INSR: variants seen among roughly 807,000 people sequenced by gnomAD.
The protein encoded by INSR is insulin receptor.
In INSR, 67 loss-of-function variants were observed where a neutral mutation model predicts 142.6. That is an observed-to-expected ratio of 0.47 (90% confidence interval 0.39 to 0.58). The LOEUF is 0.58. Ranked by LOEUF, INSR falls within the 20% of genes least tolerant of loss-of-function variation. INSR has a pLI of 0.00. For synonymous variants in INSR, 756 were observed against 743.1 expected, an observed-to-expected ratio of 1.02 and a Z score of -0.28; for missense variants, 1,248 against 1,833.2, an observed-to-expected ratio of 0.68 and a Z score of 5.83.
Position 7,225,959 on chromosome 19 carries a change from G to T in INSR, c.653-41322C>A, listed in dbSNP as rs923355524. On this transcript the variant is annotated intron_variant, in intron 2 of 21. Coordinates refer to ENST00000302850, the MANE Select transcript of INSR (RefSeq NM_000208.4). This position sits in a 1 kb window ranked among gnomAD's most constrained non-coding sequence, Gnocchi z 4.7. ...AACAATCCAGCCCCAGTATCCGCAG[G>T]CCCCAGGTGGAGAAACCCCGTCCCG... Among the ~76,000 whole-genome samples, 7 of 152,154 alleles carry T rather than the reference G, an allele frequency of 4.6e-5. No homozygotes were observed. Among genetic ancestry groups the T allele is most frequent in the African/African-American group, 1.4e-4 (6 of 41,446 alleles).
chr19:7,215,174 G>T (rs771138232), intron 2 of INSR, among the ~76,000 whole-genome samples: 32 of 152,092 alleles, frequency 2.1e-4, no homozygotes, highest in Non-Finnish European at 3.7e-4. Flanking sequence ...GGAAGAACTA[G>T]GATTCGAACC....
chr19:7,165,000 G>A (rs974768068), intron 8 of INSR, among the ~76,000 whole-genome samples: 1 of 152,034 alleles, frequency 6.6e-6, no homozygotes, highest in Non-Finnish European at 1.5e-5. Flanking sequence ...GTGGTGGCAC[G>A]CCTGTAGTTG....
intron 2 of INSR, among the ~76,000 whole-genome samples, chr19:7,201,818 C>T (rs1362366630): frequency 5.1e-5 from 7 of 138,032 alleles, no homozygotes; most frequent in Admixed American, 4.3e-4. Context: ...GCGGCCACCA[C>T]GCCTAGCTAA....
chr19:7,142,617 T>C (rs1322179781), intron 12 of INSR, among the ~76,000 whole-genome samples, 199 bp downstream of exon 12: 2 of 147,080 alleles, frequency 1.4e-5, no homozygotes, highest in Non-Finnish European at 3.0e-5. Context: ...TCACTTGACA[T>C]AGGTGGCAGA....
intron 1 of INSR, among the ~76,000 whole-genome samples, chr19:7,270,918 C>T (rs1967907047): frequency 1.3e-5 from 2 of 151,776 alleles, no homozygotes. Flanking sequence ...AAAAATTAGC[C>T]AGGCGTGGTG....
chr19:7,198,448 A>T (rs1974854831), intron 2 of INSR, among the ~76,000 whole-genome samples: 1 of 152,204 alleles, frequency 6.6e-6, no homozygotes, highest in Non-Finnish European at 1.5e-5. Context: ...CGAGCTTGCA[A>T]GGGCTCATCA....
At chr19:7,175,189 G>A (rs1460059838) in intron 3 of INSR, among the ~76,000 whole-genome samples, 1 of 152,072 alleles carries the variant, frequency 6.6e-6, no homozygotes, top group Non-Finnish European at 1.5e-5. Flanking sequence ...CTGCCGATCT[G>A]CAATAGGACA....
At chr19:7,278,630 G>A (rs1008099502) in intron 1 of INSR, among the ~76,000 whole-genome samples, 5 of 152,126 alleles carry the variant, frequency 3.3e-5, no homozygotes, top group African/African-American at 1.2e-4. Context: ...AGGTCAAGGG[G>A]GGTGGATCAC....
At chr19:7,120,477 G>A (rs1483632232) in intron 20 of INSR, 143 bp downstream of exon 20, 2 of 915,548 alleles carry the variant, frequency 2.2e-6, no homozygotes, top group African/African-American at 3.3e-5. Flanking sequence ...AGTAGCCGTG[G>A]GAAGATCCTA....
Position 7,119,347 on chromosome 19 carries a change from G to A in INSR, c.3794+102C>T, listed in dbSNP as rs531005515. 103 of 1,319,980 alleles carry A rather than the reference G, an allele frequency of 7.8e-5. 1 individual carries two copies. The South Asian group carries it at 8.5e-4, about 11-fold the overall frequency. The allele number at this position is 1,319,980 out of a possible 1,614,324, so 81.8% of individuals were successfully genotyped here. ...CCTGTAACATACAGCATGCAAACACGGTGAGCGTGTAGACATAGGAAAGGC... is the reference window on the plus strand; with the variant it reads ...CCTGTAACATACAGCATGCAAACACAGTGAGCGTGTAGACATAGGAAAGGC... On this transcript the variant is annotated intron_variant, in intron 21 of 21. Coordinates refer to ENST00000302850, the MANE Select transcript of INSR (RefSeq NM_000208.4). This position sits in a 1 kb window ranked among gnomAD's most constrained non-coding sequence, Gnocchi z 5.2.
At chr19:7,174,129 A>T (rs945647277) in intron 4 of INSR, among the ~76,000 whole-genome samples, 6 of 140,792 alleles carry the variant, frequency 4.3e-5, no homozygotes, top group Admixed American at 1.4e-4. Flanking sequence ...GAAAAAAATT[A>T]AAAAAAAAAA....
At chr19:7,226,699 G>A (rs372595245) in intron 2 of INSR, among the ~76,000 whole-genome samples, 4 of 144,262 alleles carry the variant, frequency 2.8e-5, no homozygotes, top group African/African-American at 1.0e-4. Flanking sequence ...CTGCACACCA[G>A]CCTGGGCAAC....
intron 9 of INSR, among the ~76,000 whole-genome samples, chr19:7,154,873 G>C (rs186522076): frequency 6.6e-6 from 1 of 151,866 alleles, no homozygotes; most frequent in Non-Finnish European, 1.5e-5. Flanking sequence ...GCAGTGAGCC[G>C]AGATTGAGCC....
chr19:7,266,242 C>T lies in INSR; in HGVS notation c.652+1103G>A, dbSNP rs542797125. On this transcript the variant is annotated intron_variant, in intron 2 of 21. Coordinates refer to ENST00000302850, the MANE Select transcript of INSR (RefSeq NM_000208.4). Reference sequence around the variant, plus strand: ...GGAGTGGCCGTTGGCACAACATTTCCGGAACACCATTTGTCAATCTGCACC... The same window carrying T: ...GGAGTGGCCGTTGGCACAACATTTCTGGAACACCATTTGTCAATCTGCACC... 3.0e-4 allele frequency among the ~76,000 whole-genome samples: 46 copies of T among 152,200 alleles called. No homozygotes were observed. In the East Asian group the frequency reaches 7.3e-3, roughly 24 times the overall value.
chr19:7,197,738 T>G (rs1279444200), intron 2 of INSR, among the ~76,000 whole-genome samples: 37 of 90,312 alleles, frequency 4.1e-4, no homozygotes, highest in Non-Finnish European at 4.9e-4. Flanking sequence ...GTGTGTGTGA[T>G]TGGCAGGTTC....
intron 13 of INSR, among the ~76,000 whole-genome samples, chr19:7,137,525 C>T (rs1462190867): frequency 2.0e-5 from 3 of 152,050 alleles, no homozygotes; most frequent in Non-Finnish European, 4.4e-5. Flanking sequence ...TGGTGGCTCA[C>T]GCCTGTAATC....
intron 2 of INSR, among the ~76,000 whole-genome samples, chr19:7,255,994 G>A (rs905957145): frequency 7.9e-5 from 12 of 152,052 alleles, no homozygotes; most frequent in South Asian, 4.2e-4. Flanking sequence ...TTCAACCCCC[G>A]GAAGAGGAGC....
chr19:7,236,633 T>G (rs535726902), intron 2 of INSR, among the ~76,000 whole-genome samples: 1 of 152,270 alleles, frequency 6.6e-6, no homozygotes, highest in South Asian at 2.1e-4. Flanking sequence ...AATTACTTAG[T>G]CTCACTCTTA....
intron 1 of INSR, among the ~76,000 whole-genome samples, chr19:7,273,151 C>T (rs1967970645): frequency 6.6e-6 from 1 of 152,200 alleles, no homozygotes; most frequent in South Asian, 2.1e-4. Flanking sequence ...CATGTGAATT[C>T]TGTCTCACTA....
Sources: allele counts gnomAD v4.1 joint callset (sites outside exome capture counted in the v4.1 genomes callset), GRCh38; gene constraint gnomAD v4.1.1; non-coding constraint Gnocchi (gnomAD v3.1); transcripts MANE v1.5; gene names NCBI Gene and HGNC (gene_info 2026-07-23, HGNC 2026-07-21).